Variants in SLC24A4 observed in about 807,000 individuals in gnomAD.
SLC24A4 encodes the protein solute carrier family 24 member 4.
A neutral mutation model predicts 79.0 loss-of-function variants in SLC24A4; 53 were observed. That is an observed-to-expected ratio of 0.67 (90% CI 0.54 to 0.84). The LOEUF (loss-of-function observed/expected upper bound fraction) is 0.84. Ranked by LOEUF, SLC24A4 falls within the 40% of genes least tolerant of loss-of-function variation. The probability of loss-of-function intolerance (pLI) is 0.00; values close to 1 mark genes in which losing one functional copy is unlikely to be tolerated. For synonymous variants in SLC24A4, 323 were observed against 323.8 expected (o/e 1.00, Z 0.03); for missense variants, 731 against 822.0 (o/e 0.89, Z 1.35).
intron 2 of SLC24A4, among the ~76,000 whole-genome samples, chr14:92,365,496 G>A (rs1180846927): frequency 2.6e-5 from 4 of 152,216 alleles, no homozygotes; most frequent in African/African-American, 9.6e-5. Flanking sequence ...TCTGCTGCCT[G>A]AGCCCTTGTA....
intron 13 of SLC24A4, chr14:92,484,456 C>T: frequency 1.0e-6 from 1 of 985,338 alleles, no homozygotes; most frequent in Non-Finnish European, 1.2e-6. Flanking sequence ...CTCTGTATCC[C>T]AAAAGGAAGC....
rs114517775 is a variant in SLC24A4 at position 92,378,862 on chromosome 14, C to T, written c.241+52884C>T. Among the ~76,000 whole-genome samples, 950 of 152,230 alleles carry T rather than the reference C, an allele frequency of 6.2e-3. 10 individuals are homozygous for T. Among genetic ancestry groups the T allele is most frequent in the African/African-American group, 0.022 (907 of 41,532 alleles). The stretch of plus-strand genomic sequence containing the variant: ...GCCAGGAGTTTGAGGCCAGCCTGGG[C>T]AACGTAGTGAGACCCTGACTCTAAA... On this transcript the variant is annotated intron_variant, in intron 2 of 16. Coordinates refer to ENST00000532405, the MANE Select transcript of SLC24A4 (RefSeq NM_153646.4).
In SLC24A4 at chr14:92,486,509, G is replaced by GT. The variant is rs1254407077; in HGVS notation, c.1423-149dup. 7.2e-5 allele frequency among the ~76,000 whole-genome samples: 11 copies of GT among 151,932 alleles called. No individual in the cohort carries two copies. The East Asian group carries it at 1.2e-3, about 16-fold the overall frequency. On this transcript the variant is annotated intron_variant, in intron 13 of 16. Coordinates refer to ENST00000532405, the MANE Select transcript of SLC24A4 (RefSeq NM_153646.4). ...TTCTTAGCCTCGTAGTTCAGTGGGGGTTTTTTTTGTTTTGTTTTGTTTTGT... is the reference window on the plus strand; with the variant it reads ...TTCTTAGCCTCGTAGTTCAGTGGGGGTTTTTTTTTGTTTTGTTTTGTTTTGT...
chr14:92,338,540 A>G (rs1268697161), intron 2 of SLC24A4, among the ~76,000 whole-genome samples: 1 of 152,162 alleles, frequency 6.6e-6, no homozygotes, highest in Non-Finnish European at 1.5e-5. Flanking sequence ...GACCATTCAC[A>G]CCACCCCGCC....
intron 2 of SLC24A4, among the ~76,000 whole-genome samples, chr14:92,372,944 TCTCTCTCTCTCTCC>T (rs1242958915): frequency 4.8e-5 from 7 of 147,082 alleles, no homozygotes; most frequent in East Asian, 2.0e-4. Flanking sequence ...TCTTTTTCTC[TCTCTCTCTCTCTCC>T]CTCTCTCTCT....
intron 2 of SLC24A4, among the ~76,000 whole-genome samples, chr14:92,431,735 C>T (rs903259293): frequency 3.9e-5 from 6 of 152,180 alleles, no homozygotes; most frequent in Non-Finnish European, 7.3e-5. Flanking sequence ...CAAAGCAAGG[C>T]GTGAGGCTGA....
At chr14:92,426,274 G>C (rs1055059670) in intron 2 of SLC24A4, among the ~76,000 whole-genome samples, 1 of 152,136 alleles carries the variant, frequency 6.6e-6, no homozygotes, top group Non-Finnish European at 1.5e-5. Context: ...TGAGACCTCA[G>C]GCTGCTTTCA....
intron 2 of SLC24A4, among the ~76,000 whole-genome samples, chr14:92,348,353 C>T (rs1331999528): frequency 6.6e-6 from 1 of 152,232 alleles, no homozygotes; most frequent in Non-Finnish European, 1.5e-5. Context: ...CAGAGGTCAA[C>T]AAACTCTTTG....
rs1892977521 is a variant in SLC24A4 at position 92,449,076 on chromosome 14, A to G, written c.740A>G (p.Tyr247Cys). 1.2e-6 allele frequency: 2 copies of G among 1,614,038 alleles called. No homozygotes were observed. Among genetic ancestry groups the G allele is most frequent in the Admixed American group, 1.7e-5 (1 of 59,994 alleles). ...CTCCTGCCTCCCCTCGCTTCCAGGTACAATGTGAAGATGCAAGCCTTTTTC... is the reference window on the plus strand; with the variant it reads ...CTCCTGCCTCCCCTCGCTTCCAGGTGCAATGTGAAGATGCAAGCCTTTTTC... The part of the protein sequence containing the change: ...LYVFYILIMK[Y>C]NVKMQAFFTV... Residue 247 changes from tyrosine (Y) to cysteine (C), a missense_variant and splice_region_variant, in exon 10 of 17, where the codon TAC becomes TGC. Physicochemically the swap from Tyr to Cys is radical, Grantham distance 194 (BLOSUM62 -2). Transcript: ENST00000532405.
intron 2 of SLC24A4, among the ~76,000 whole-genome samples, chr14:92,410,173 A>G (rs957551334): frequency 1.3e-5 from 2 of 152,136 alleles, no homozygotes; most frequent in African/African-American, 4.8e-5. Context: ...CATACCCCCA[A>G]ACCTAAAATA....
intron 2 of SLC24A4, among the ~76,000 whole-genome samples, chr14:92,389,955 C>T (rs1272057090): frequency 1.3e-5 from 2 of 152,210 alleles, no homozygotes; most frequent in African/African-American, 4.8e-5. Context: ...TGTTTGGTTT[C>T]TTGACTTGCG....
Position 92,443,332 on chromosome 14 carries a change from G to A in SLC24A4, c.583-68G>A, listed in dbSNP as rs571245869. The A allele has an allele frequency of 2.2e-4, 326 of 1,486,358 alleles. 2 individuals are homozygous for A. The South Asian group carries it at 2.8e-3, about 13-fold the overall frequency. 92.1% of individuals were successfully genotyped at this position (1,486,358 alleles called of 1,614,324 possible). On this transcript the variant is annotated intron_variant, in intron 6 of 16. Transcript: ENST00000532405. ...ATGCCCTGCACTGCGGGGGGAGGAG[G>A]CCTGGGCAGCTGCACCCCCTCCCCG...
rs755132694 is a variant in SLC24A4 at position 92,325,990 on chromosome 14, ATTC to A, written c.241+17_241+19del. On this transcript the variant is annotated intron_variant, in intron 2 of 16. Transcript: ENST00000532405. ...CTGCACAGATCCTGGTAAGAAATCA[ATTC>A]TTCTCCACTCAGTCTACTAAGATGT... 3 of 1,564,020 alleles carry A rather than the reference ATTC, an allele frequency of 1.9e-6. No homozygotes were observed. Among genetic ancestry groups the A allele is most frequent in the Admixed American group, 3.4e-5 (2 of 59,292 alleles).
chr14:92,358,977 C>T lies in SLC24A4; in HGVS notation c.241+32999C>T, dbSNP rs147488927. 4.7e-3 allele frequency among the ~76,000 whole-genome samples: 719 copies of T among 152,170 alleles called. 6 individuals are homozygous for T. Among genetic ancestry groups the T allele is most frequent in the African/African-American group, 0.016 (662 of 41,506 alleles). On this transcript the variant is annotated intron_variant, in intron 2 of 16. Coordinates refer to ENST00000532405, the MANE Select transcript of SLC24A4 (RefSeq NM_153646.4). ...CTGGGATTACAGGTGTGAGCCACCA[C>T]GCCCGGCCAAATCTACTCTTTTCTA...
At position 92,493,545 on chromosome 14, in the gene SLC24A4, G is replaced by T; in HGVS notation, c.1786G>T (p.Ala596Ser). 2 of 1,614,110 alleles carry T rather than the reference G, an allele frequency of 1.2e-6. No individual in the cohort carries two copies. Among genetic ancestry groups the T allele is most frequent in the Non-Finnish European group, 1.7e-6 (2 of 1,180,018 alleles). ...GGGTGTCTACGTGCTGGTTCTCTAC[G>T]CCATCTTCTTGTGCTTCTCCATAAT... Reference protein sequence around the residue: ...KLGVYVLVLYAIFLCFSIMIE... With the variant: ...KLGVYVLVLYSIFLCFSIMIE... The change falls in exon 17 of 17, where the codon GCC becomes TCC. Residue 596 changes from alanine (A) to serine (S), a missense_variant. Transcript: ENST00000532405.
chr14:92,364,414 C>T (rs1285206260), intron 2 of SLC24A4, among the ~76,000 whole-genome samples: 2 of 152,146 alleles, frequency 1.3e-5, no homozygotes, highest in African/African-American at 4.8e-5. Context: ...GGTGGGATGA[C>T]TGTCCTTGAG....
intron 12 of SLC24A4, among the ~76,000 whole-genome samples, chr14:92,459,677 T>G (rs1260218670): frequency 6.6e-6 from 1 of 152,156 alleles, no homozygotes; most frequent in Non-Finnish European, 1.5e-5. Flanking sequence ...CACGAATGGC[T>G]TCCTTTTCTT....
chr14:92,444,898 A>C (rs183771904), intron 7 of SLC24A4, among the ~76,000 whole-genome samples: 49 of 149,774 alleles, frequency 3.3e-4, no homozygotes, highest in African/African-American at 1.2e-3. Context: ...CTTGCACACC[A>C]TATATACACA....
chr14:92,364,811 C>T (rs1305780527), intron 2 of SLC24A4, among the ~76,000 whole-genome samples: 1 of 152,194 alleles, frequency 6.6e-6, no homozygotes, highest in Admixed American at 6.5e-5. Flanking sequence ...GGCTCCTGCT[C>T]CATCATAGCC....
Sources: gnomAD v4.1 joint callset for allele counts (sites outside exome capture counted in the v4.1 genomes callset) on GRCh38, gnomAD v4.1.1 for gene constraint, MANE v1.5 for transcripts, NCBI Gene and HGNC (gene_info 2026-07-23, HGNC 2026-07-21) for gene names.